COL24A1: variants seen among roughly 807,000 people sequenced by gnomAD.
COL24A1 encodes collagen type XXIV alpha 1 chain.
Under a neutral mutation model 253.9 loss-of-function variants are expected in COL24A1, and 224 were observed. That is an observed-to-expected ratio of 0.88 (90% CI 0.79 to 0.99). The LOEUF (loss-of-function observed/expected upper bound fraction) is 0.99. Among genes scored for constraint, COL24A1 ranks in the 50% least tolerant of loss-of-function variants. COL24A1 has a pLI of 0.00. For missense variants in COL24A1, 2,131 were observed against 2,068.5 expected, an observed-to-expected ratio of 1.03 and a Z score of -0.59; for synonymous variants, 685 against 673.7, an observed-to-expected ratio of 1.02 and a Z score of -0.26.
At chr1:85,758,025 G>C (rs1666443072) in intron 55 of COL24A1, among the ~76,000 whole-genome samples, 1 of 152,112 alleles carries the variant, frequency 6.6e-6, no homozygotes, top group Non-Finnish European at 1.5e-5. Flanking sequence ...GAAATAATGA[G>C]GGGAATTAGA....
chr1:85,971,722 T>A (rs142137265), intron 20 of COL24A1, among the ~76,000 whole-genome samples: 4 of 152,154 alleles, frequency 2.6e-5, no homozygotes, highest in Admixed American at 2.6e-4. Flanking sequence ...GTAAACCGAA[T>A]AGAGTGTTCA....
intron 18 of COL24A1, among the ~76,000 whole-genome samples, chr1:86,020,413 A>G (rs1430114701): frequency 6.6e-6 from 1 of 151,942 alleles, no homozygotes; most frequent in African/African-American, 2.4e-5. Context: ...GTGGTTAAAT[A>G]CCCAAGGTGA....
intron 20 of COL24A1, among the ~76,000 whole-genome samples, chr1:85,979,800 G>C (rs1361165242): frequency 6.6e-6 from 1 of 150,836 alleles, no homozygotes; most frequent in East Asian, 1.9e-4. Flanking sequence ...TATTCCAAAA[G>C]ACAGAGAAAG....
intron 20 of COL24A1, among the ~76,000 whole-genome samples, chr1:85,971,834 GTTC>G: frequency 6.6e-6 from 1 of 152,160 alleles, no homozygotes; most frequent in South Asian, 2.1e-4. Context: ...GAATGCATTA[GTTC>G]TTCATTACTC....
chr1:85,856,898 C>A (rs896438571), intron 37 of COL24A1, among the ~76,000 whole-genome samples: 1 of 151,896 alleles, frequency 6.6e-6, no homozygotes, highest in Non-Finnish European at 1.5e-5. Context: ...ACAAAGCTGT[C>A]CTGTGATAGA....
At chr1:85,874,923 C>A (rs1471377355) in intron 34 of COL24A1, among the ~76,000 whole-genome samples, 3 of 152,180 alleles carry the variant, frequency 2.0e-5, no homozygotes, top group Non-Finnish European at 2.9e-5. Flanking sequence ...GCATTAGATT[C>A]TCATAGAAAC....
At chr1:85,754,537 T>TA (rs35579049) in intron 55 of COL24A1, among the ~76,000 whole-genome samples, 58,092 of 90,762 alleles carry the variant, frequency 0.64, 17,032 homozygotes, top group South Asian at 0.75. Context: ...TAGAGTATAA[T>TA]AAAAAAAAAA....
At chr1:86,136,597 TTAAA>T (rs1242336397) in intron 2 of COL24A1, among the ~76,000 whole-genome samples, 13 of 152,106 alleles carry the variant, frequency 8.5e-5, no homozygotes, top group African/African-American at 2.9e-4. Context: ...CACAGAGAGA[TTAAA>T]TAACTTGGTA....
intron 24 of COL24A1, among the ~76,000 whole-genome samples, chr1:85,930,212 G>A (rs1687686745): frequency 3.2e-5 from 1 of 31,184 alleles, no homozygotes; most frequent in Non-Finnish European, 5.6e-5. Context: ...AAAAAAGAGA[G>A]AAGAATCAAA....
intron 32 of COL24A1, among the ~76,000 whole-genome samples, chr1:85,882,248 C>T (rs145736500): frequency 1.3e-3 from 200 of 152,134 alleles, no homozygotes; most frequent in African/African-American, 4.6e-3. Flanking sequence ...GAGGCTGAGG[C>T]GGGCGGTTCA....
intron 10 of COL24A1, among the ~76,000 whole-genome samples, chr1:86,052,940 T>G (rs1321690288): frequency 6.6e-6 from 1 of 152,012 alleles, no homozygotes; most frequent in Non-Finnish European, 1.5e-5. Context: ...TGAAATTGCC[T>G]TATGTTCCAC....
intron 19 of COL24A1, among the ~76,000 whole-genome samples, chr1:86,014,604 C>T: frequency 1.7e-5 from 1 of 60,554 alleles, no homozygotes; most frequent in Admixed American, 1.7e-4. Flanking sequence ...TCTCTTCCTT[C>T]TCCTCCTCCT....
At chr1:85,938,125 T>C (rs1304289256) in intron 24 of COL24A1, among the ~76,000 whole-genome samples, 1 of 147,508 alleles carries the variant, frequency 6.8e-6, no homozygotes, top group African/African-American at 2.5e-5. Context: ...CACTATCCTA[T>C]AGGATGAAGT....
At chr1:86,102,210 A>G (rs907367454) in intron 5 of COL24A1, among the ~76,000 whole-genome samples, 1 of 152,010 alleles carries the variant, frequency 6.6e-6, no homozygotes, top group Non-Finnish European at 1.5e-5. Context: ...GGTTACTTGT[A>G]TTTCTGTGAG....
intron 43 of COL24A1, among the ~76,000 whole-genome samples, chr1:85,828,995 G>A (rs201673869): frequency 7.9e-5 from 12 of 151,226 alleles, no homozygotes; most frequent in South Asian, 2.1e-4. Context: ...TTGCTCGTTA[G>A]TTGATGCAGT....
intron 24 of COL24A1, among the ~76,000 whole-genome samples, chr1:85,942,520 T>A (rs892213306): frequency 6.6e-6 from 1 of 152,222 alleles, no homozygotes; most frequent in African/African-American, 2.4e-5. Flanking sequence ...CATTGTAGAA[T>A]ACGCTAGGTA....
At chr1:85,903,352 T>G (rs1684504290) in intron 28 of COL24A1, among the ~76,000 whole-genome samples, 1 of 152,216 alleles carries the variant, frequency 6.6e-6, no homozygotes, top group African/African-American at 2.4e-5. Context: ...AAGCTTAGCT[T>G]TATCAACATC....
intron 24 of COL24A1, among the ~76,000 whole-genome samples, chr1:85,915,109 T>C (rs923357610): frequency 6.6e-6 from 1 of 152,192 alleles, no homozygotes; most frequent in Non-Finnish European, 1.5e-5. Context: ...CTAAAGCAGA[T>C]TGCCTTTCCC....
intron 2 of COL24A1, among the ~76,000 whole-genome samples, chr1:86,129,020 A>AT (rs747870215): frequency 2.6e-5 from 4 of 151,794 alleles, no homozygotes; most frequent in Non-Finnish European, 4.4e-5. Flanking sequence ...TTGAAATTAC[A>AT]TTTTTTCCCA....
Sources: gnomAD v4.1 joint callset for allele counts (sites outside exome capture counted in the v4.1 genomes callset) on GRCh38, gnomAD v4.1.1 for gene constraint, MANE v1.5 for transcripts, NCBI Gene and HGNC (gene_info 2026-07-23, HGNC 2026-07-21) for gene names.